FGF14: variants seen among roughly 807,000 people sequenced by gnomAD.
The protein encoded by FGF14 is fibroblast growth factor 14, also known as fibroblast growth factor homologous factor 4.
A neutral mutation model predicts 25.5 loss-of-function variants in FGF14; 5 were observed. The observed-to-expected ratio is 0.20, with a 90% CI of 0.10 to 0.41. FGF14 has a LOEUF of 0.41. FGF14 is among the 10% of genes least tolerant of loss of function. The probability of loss-of-function intolerance (pLI) is 1.00; values close to 1 mark genes in which losing one functional copy is unlikely to be tolerated. For synonymous variants in FGF14, 138 were observed against 118.3 expected, an observed-to-expected ratio of 1.17 and a Z score of -1.08; for missense variants, 222 against 320.1, an observed-to-expected ratio of 0.69 and a Z score of 2.34.
chr13:101,936,128 A>C (rs1594770841), intron 1 of FGF14, among the ~76,000 whole-genome samples: 1 of 152,222 alleles, frequency 6.6e-6, no homozygotes, highest in South Asian at 2.1e-4. Context: ...AATTTTATAA[A>C]GGAGAAATTC....
At chr13:102,373,500 T>C (rs926786131) in intron 1 of FGF14, 9 of 152,182 alleles carry the variant, frequency 5.9e-5, no homozygotes, top group African/African-American at 9.6e-5. Context: ...AATAACTTCA[T>C]TGCTGCTAAA....
Position 101,716,841 on chromosome 13 carries a change from C to T in FGF14, c.*5990G>A, listed in dbSNP as rs1313895960. 2 of 149,678 alleles carry T rather than the reference C, an allele frequency of 1.3e-5. No homozygotes were observed. Among genetic ancestry groups the T allele is most frequent in the South Asian group, 2.1e-4 (1 of 4,722 alleles). 9.3% of individuals were successfully genotyped at this position (149,678 alleles called of 1,614,324 possible). ...GGCTTAAATAGAAATTACAAATATT[C>T]ACTCAGTGATAGGAACAAAATGTTT... On this transcript the variant is annotated 3_prime_UTR_variant, in exon 5 of 5. Transcript: ENST00000376143.
intron 3 of FGF14, among the ~76,000 whole-genome samples, chr13:101,818,387 C>T (rs960784089): frequency 1.4e-4 from 22 of 152,172 alleles, no homozygotes; most frequent in Admixed American, 9.8e-4. Flanking sequence ...CAGGTCCTCC[C>T]TGTGCCATGT....
At chr13:102,332,804 C>A (rs1261552373) in intron 1 of FGF14, among the ~76,000 whole-genome samples, 1 of 152,060 alleles carries the variant, frequency 6.6e-6, no homozygotes, top group African/African-American at 2.4e-5. Context: ...AAAAGCTTTG[C>A]AAGTTAGACA....
chr13:101,953,356 C>A lies in FGF14; in HGVS notation c.209-78060G>T, dbSNP rs539162790. 4.5e-4 allele frequency among the ~76,000 whole-genome samples: 68 copies of A among 152,124 alleles called. 1 individual carries two copies. Among genetic ancestry groups the A allele is most frequent in the African/African-American group, 1.5e-3 (63 of 41,536 alleles). ...TCAACTCTCTCTACTCAGCTGAACA[C>A]CCTGAGTGTTTAACCCAGCAGGGGA... On this transcript the variant is annotated intron_variant, in intron 1 of 4. Coordinates refer to the FGF14 transcript ENST00000376131.
chr13:101,816,141 G>A (rs2041833772), intron 3 of FGF14, among the ~76,000 whole-genome samples: 1 of 151,256 alleles, frequency 6.6e-6, no homozygotes, highest in African/African-American at 2.4e-5. Flanking sequence ...GTGTTGGCGG[G>A]CGCCTGTAGT....
chr13:102,167,472 C>T (rs1484924562), intron 1 of FGF14, among the ~76,000 whole-genome samples: 2 of 152,006 alleles, frequency 1.3e-5, no homozygotes, highest in Non-Finnish European at 2.9e-5. Flanking sequence ...TTCTGGCTTG[C>T]TTACTCAGAC....
intron 1 of FGF14, among the ~76,000 whole-genome samples, chr13:101,901,646 G>C (rs1041685647): frequency 3.5e-4 from 54 of 152,168 alleles, no homozygotes; most frequent in Non-Finnish European, 5.0e-4. Flanking sequence ...GGAGGTTGCA[G>C]TGAGCCGAGA....
chr13:101,841,316 C>T (rs2043180524), intron 3 of FGF14, among the ~76,000 whole-genome samples: 3 of 151,856 alleles, frequency 2.0e-5, no homozygotes, highest in South Asian at 4.1e-4. Context: ...AACTGGCCAC[C>T]GATTGAACTG....
intron 1 of FGF14, among the ~76,000 whole-genome samples, chr13:102,114,634 C>A (rs998304403): frequency 6.6e-6 from 1 of 152,166 alleles, no homozygotes; most frequent in Admixed American, 6.5e-5. Flanking sequence ...TGCACATATA[C>A]AATGGAATAC....
intron 1 of FGF14, among the ~76,000 whole-genome samples, chr13:102,386,592 T>C (rs1449958288): frequency 1.3e-5 from 2 of 152,248 alleles, no homozygotes; most frequent in African/African-American, 4.8e-5. Flanking sequence ...TGCCTCCTTC[T>C]GCTTTCAATA....
intron 3 of FGF14, among the ~76,000 whole-genome samples, chr13:101,761,464 C>T (rs1253576222): frequency 1.3e-5 from 2 of 152,246 alleles, no homozygotes; most frequent in African/African-American, 4.8e-5. Context: ...AACTTGGACC[C>T]CACGTGACTG....
At chr13:102,117,729 G>GAA (rs552461556) in intron 1 of FGF14, among the ~76,000 whole-genome samples, 1 of 152,004 alleles carries the variant, frequency 6.6e-6, no homozygotes, top group African/African-American at 2.4e-5. Flanking sequence ...CGTTTTAAAA[G>GAA]AAAAAATACT....
At chr13:101,742,934 C>A (rs1445502194) in intron 3 of FGF14, among the ~76,000 whole-genome samples, 1 of 152,154 alleles carries the variant, frequency 6.6e-6, no homozygotes, top group African/African-American at 2.4e-5. Flanking sequence ...CAGATGAAGA[C>A]ATAAGTGACT....
rs1490467258 is a variant in FGF14 at position 101,881,948 on chromosome 13, G to A, written c.194-6652C>T. 2.6e-5 allele frequency among the ~76,000 whole-genome samples: 4 copies of A among 152,264 alleles called. No individual in the cohort carries two copies. The East Asian group carries it at 7.7e-4, about 29-fold the overall frequency. On this transcript the variant is annotated intron_variant, in intron 1 of 4. Coordinates refer to ENST00000376143, the MANE Select transcript of FGF14 (RefSeq NM_004115.4). ...ATTAGTAAGGACTACACTGCCAGCTGAGAGAGTACATATGTCCCAGATTAT... is the reference window on the plus strand; with the variant it reads ...ATTAGTAAGGACTACACTGCCAGCTAAGAGAGTACATATGTCCCAGATTAT...
At chr13:101,913,440 T>C (rs2033157289) in intron 1 of FGF14, among the ~76,000 whole-genome samples, 1 of 152,106 alleles carries the variant, frequency 6.6e-6, no homozygotes, top group African/African-American at 2.4e-5. Flanking sequence ...GGAAAGAGTG[T>C]GGGTGTAGGG....
At chr13:101,895,711 A>G (rs917687997) in intron 1 of FGF14, among the ~76,000 whole-genome samples, 4 of 152,230 alleles carry the variant, frequency 2.6e-5, no homozygotes, top group Non-Finnish European at 5.9e-5. Context: ...TAGGAAGTTA[A>G]AAAGGGAACA....
chr13:101,758,428 C>G (rs2037796296), intron 3 of FGF14, among the ~76,000 whole-genome samples: 5 of 152,142 alleles, frequency 3.3e-5, no homozygotes, highest in Admixed American at 3.3e-4. Context: ...AATCACTGCA[C>G]CAAGTTAGAA....
chr13:102,261,656 C>T (rs932721522), intron 1 of FGF14, among the ~76,000 whole-genome samples: 6 of 152,128 alleles, frequency 3.9e-5, no homozygotes, highest in African/African-American at 1.2e-4. Context: ...CCAATATCTT[C>T]TATAAAAATA....
Sources: gnomAD v4.1 joint callset for allele counts (sites outside exome capture counted in the v4.1 genomes callset) on GRCh38, gnomAD v4.1.1 for gene constraint, MANE v1.5 for transcripts, NCBI Gene and HGNC (gene_info 2026-07-23, HGNC 2026-07-21) for gene names.